ERC2: variants seen among roughly 807,000 people sequenced by gnomAD.
ERC2 encodes the protein ELKS/RAB6-interacting/CAST family member 2, also known as ERC protein 2.
Under a neutral mutation model 114.8 loss-of-function variants are expected in ERC2, and 42 were observed. That is an observed-to-expected ratio of 0.37 (90% CI 0.29 to 0.47). The LOEUF (loss-of-function observed/expected upper bound fraction) is 0.47, where lower values mean the gene tolerates loss of function less well. Ranked by LOEUF, ERC2 falls within the 20% of genes least tolerant of loss-of-function variation. ERC2 has a pLI of 0.99. For synonymous variants in ERC2, 454 were observed against 425.5 expected (o/e 1.07, Z -0.82); for missense variants, 939 against 1,150.7 (o/e 0.82, Z 2.66).
rs548382889 is a variant in ERC2, at chr3:56,249,365, A to G, written c.1074+46654T>C. ...TTTTGAGACAGAGTCTCGCTCTGTC[A>G]TCCAGGCTGGAGTGCAGTGGTGCAA... On this transcript the variant is annotated intron_variant, in intron 3 of 17. Transcript: ENST00000288221. Among the ~76,000 whole-genome samples, 102 of 152,050 alleles carry G rather than the reference A, an allele frequency of 6.7e-4. 1 individual carries two copies. The highest frequency in any genetic ancestry group is 5.8e-3 in the South Asian group (28 of 4,820).
intron 17 of ERC2, among the ~76,000 whole-genome samples, chr3:55,590,080 G>A (rs961096705): frequency 3.9e-5 from 6 of 152,000 alleles, no homozygotes; most frequent in African/African-American, 1.4e-4. Context: ...TTTTTTTGAA[G>A]GTGGCAACGT....
intron 2 of ERC2, among the ~76,000 whole-genome samples, chr3:56,418,183 G>T (rs959165343): frequency 1.3e-5 from 2 of 151,806 alleles, no homozygotes; most frequent in Non-Finnish European, 2.9e-5. Context: ...CTGTAGTCCT[G>T]GCTACTCAGG....
intron 14 of ERC2, among the ~76,000 whole-genome samples, chr3:55,859,567 A>G (rs2061938313): frequency 6.6e-6 from 1 of 152,024 alleles, no homozygotes; most frequent in African/African-American, 2.4e-5. Context: ...AAAAGCTGTC[A>G]TTACAAACCA....
chr3:55,836,227 T>C (rs1293876309), intron 14 of ERC2, among the ~76,000 whole-genome samples: 3 of 152,176 alleles, frequency 2.0e-5, no homozygotes, highest in African/African-American at 7.2e-5. Context: ...TAACAATGAC[T>C]TTCTTCACAG....
In ERC2 at chr3:55,764,645, C is replaced by T. The variant is rs73834336; in HGVS notation, c.2565-29727G>A. ...AGGATCTTAAAGTCTGAATTAACAA[C>T]TTCTAAACAAATAGGGTTTTCTGAT... is the stretch of plus-strand genomic sequence containing the variant. On this transcript the variant is annotated intron_variant, in intron 14 of 17. Coordinates refer to ENST00000288221, the MANE Select transcript of ERC2 (RefSeq NM_015576.3). Among the ~76,000 whole-genome samples the T allele has an allele frequency of 3.1e-3, 475 of 152,336 alleles. 4 individuals are homozygous for T. Among genetic ancestry groups the T allele is most frequent in the African/African-American group, 0.011 (447 of 41,582 alleles).
intron 2 of ERC2, among the ~76,000 whole-genome samples, chr3:56,411,016 A>G (rs977610476): frequency 6.8e-6 from 1 of 147,452 alleles, no homozygotes; most frequent in African/African-American, 2.5e-5. Flanking sequence ...AATCAAGACT[A>G]TTGGGTGAAT....
At chr3:55,936,153 A>G (rs1260104563) in intron 13 of ERC2, among the ~76,000 whole-genome samples, 1 of 152,154 alleles carries the variant, frequency 6.6e-6, no homozygotes, top group Non-Finnish European at 1.5e-5. Flanking sequence ...AGCCCCCTGC[A>G]TGGGCTGATT....
chr3:55,923,462 C>T (rs1031885895), intron 13 of ERC2, among the ~76,000 whole-genome samples: 1 of 151,856 alleles, frequency 6.6e-6, no homozygotes, highest in Non-Finnish European at 1.5e-5. Context: ...TTACACAACA[C>T]TTTGAATGTA....
rs555031347 is a variant in ERC2, at chr3:55,750,283, A to G, written c.2565-15365T>C. Among the ~76,000 whole-genome samples the G allele has an allele frequency of 1.8e-4, 28 of 152,362 alleles. 1 individual carries two copies. The South Asian group carries it at 5.4e-3, about 29-fold the overall frequency. ...AATTATTATTTTGATTACTATATGT[A>G]TAAGCAAGGCATAAGTAAAGTACGT... On this transcript the variant is annotated intron_variant, in intron 14 of 17. Transcript: ENST00000288221.
chr3:55,993,796 G>A (rs9859846), intron 10 of ERC2, among the ~76,000 whole-genome samples: 5,930 of 151,822 alleles, frequency 0.039, 251 homozygotes, highest in African/African-American at 0.11. Context: ...TGCACTCTGT[G>A]TTTCATTATA....
In ERC2 at chr3:55,888,397, C is replaced by T. The variant is rs2063451046; in HGVS notation, c.2556G>A (p.Leu852=). The T allele has an allele frequency of 6.2e-7, 1 of 1,613,834 alleles. No homozygotes were observed. Among genetic ancestry groups the T allele is most frequent in the Non-Finnish European group, 8.5e-7 (1 of 1,179,796 alleles). The change falls in exon 14 of 18, where the codon CTG becomes CTA. Residue 852 remains leucine, a synonymous_variant. Transcript: ENST00000288221. ...IERRKQLEEI[L]EMKQEALLAA... ...CAGCAATGGGTACTCACTTCATCTC[C>T]AGGATCTCCTCCAGCTGTTTCCTCC...
intron 3 of ERC2, among the ~76,000 whole-genome samples, chr3:56,269,147 A>G (rs1023045899): frequency 1.3e-5 from 2 of 152,242 alleles, no homozygotes; most frequent in African/African-American, 4.8e-5. Context: ...GCTTGGAAAA[A>G]ATTGTAACAC....
chr3:56,445,948 T>C (rs1305749098), intron 1 of ERC2, among the ~76,000 whole-genome samples: 1 of 152,178 alleles, frequency 6.6e-6, no homozygotes, highest in Non-Finnish European at 1.5e-5. Flanking sequence ...CTTTTTTCTT[T>C]TTATAAGAGA....
intron 7 of ERC2, among the ~76,000 whole-genome samples, chr3:56,053,973 C>T (rs1485096860): frequency 2.6e-5 from 4 of 152,078 alleles, no homozygotes; most frequent in Admixed American, 1.3e-4. Flanking sequence ...TCCACCCCCA[C>T]CCCGAATAGG....
At chr3:56,281,162 G>A (rs1177859476) in intron 3 of ERC2, among the ~76,000 whole-genome samples, 1 of 152,168 alleles carries the variant, frequency 6.6e-6, no homozygotes, top group Non-Finnish European at 1.5e-5. Context: ...GACAGGCCGG[G>A]CACGGTGGCT....
chr3:56,183,150 C>G (rs2083381032), intron 3 of ERC2, among the ~76,000 whole-genome samples: 1 of 152,144 alleles, frequency 6.6e-6, no homozygotes, highest in Non-Finnish European at 1.5e-5. Flanking sequence ...AGATTGACCC[C>G]ATACCAGGCC....
chr3:55,522,888 T>A (rs2053056902), intron 17 of ERC2, among the ~76,000 whole-genome samples: 2 of 152,254 alleles, frequency 1.3e-5, no homozygotes, highest in Admixed American at 1.3e-4. Context: ...GATGTAGACG[T>A]ACCCTGAGAG....
chr3:55,817,547 AC>A (rs1435606787), intron 14 of ERC2, among the ~76,000 whole-genome samples: 1 of 152,128 alleles, frequency 6.6e-6, no homozygotes, highest in Non-Finnish European at 1.5e-5. Context: ...CATAAGAATA[AC>A]CCTGAATTGA....
Position 55,700,468 on chromosome 3 carries a change from A to G in ERC2, c.2713-956T>C, listed in dbSNP as rs148294860. ...TTTCCTCAACTCTAAAATGAGAGGA[A>G]TAGTGCCTCTTTCCTCGGGGTTGCC... On this transcript the variant is annotated intron_variant, in intron 15 of 17. Coordinates refer to ENST00000288221, the MANE Select transcript of ERC2 (RefSeq NM_015576.3). Among the ~76,000 whole-genome samples, 1,276 of 152,346 alleles carry G rather than the reference A, an allele frequency of 8.4e-3. 16 individuals carry two copies. The highest frequency in any genetic ancestry group is 0.029 in the African/African-American group (1,194 of 41,592).
Sources: gnomAD v4.1 joint callset for allele counts (sites outside exome capture counted in the v4.1 genomes callset) on GRCh38, gnomAD v4.1.1 for gene constraint, MANE v1.5 for transcripts, NCBI Gene and HGNC (gene_info 2026-07-23, HGNC 2026-07-21) for gene names.